The following SYT2 variants were observed in gnomAD, a reference collection of about 807,000 sequenced individuals.
SYT2 encodes the protein synaptotagmin-2.
In SYT2, 15 loss-of-function variants were observed where a neutral mutation model predicts 39.9. The observed-to-expected ratio is 0.38, with a 90% CI of 0.25 to 0.58. SYT2 has a LOEUF of 0.58. SYT2 is among the 20% of genes least tolerant of loss of function. The probability of loss-of-function intolerance (pLI) is 0.70; values close to 1 mark genes in which losing one functional copy is unlikely to be tolerated. For missense variants in SYT2, 389 were observed against 530.3 expected (o/e 0.73, Z 2.62); for synonymous variants, 181 against 204.5 (o/e 0.89, Z 0.98).
At chr1:202,664,715 A>G (rs1403347107) in intron 1 of SYT2, among the ~76,000 whole-genome samples, 1 of 152,228 alleles carries the variant, frequency 6.6e-6, no homozygotes, top group Admixed American at 6.5e-5. Context: ...GCTGAAGTGC[A>G]ATGGCGCGAT....
chr1:202,676,807 C>T (rs1259939830), intron 1 of SYT2, among the ~76,000 whole-genome samples: 1 of 152,196 alleles, frequency 6.6e-6, no homozygotes, highest in Non-Finnish European at 1.5e-5. Flanking sequence ...CTATAAAATA[C>T]TGTTTATGTA....
intron 1 of SYT2, among the ~76,000 whole-genome samples, chr1:202,685,517 G>A (rs1653639820): frequency 6.6e-6 from 1 of 152,104 alleles, no homozygotes; most frequent in Non-Finnish European, 1.5e-5. Context: ...TCTTGTCAGT[G>A]GACACACTGG....
At chr1:202,691,377 GT>G (rs1199744830) in intron 1 of SYT2, among the ~76,000 whole-genome samples, 2 of 152,100 alleles carry the variant, frequency 1.3e-5, no homozygotes, top group Non-Finnish European at 2.9e-5. Context: ...GCCAGGCACG[GT>G]AGCTCACACC....
intron 1 of SYT2, among the ~76,000 whole-genome samples, chr1:202,670,445 G>A (rs1349284170): frequency 6.6e-6 from 1 of 152,146 alleles, no homozygotes; most frequent in Admixed American, 6.5e-5. Context: ...CCAAGGAGCT[G>A]AAGAGCCACA....
chr1:202,640,766 GAGAGAGAGAGAGAGAGAGAGAGAGAGAC>G (rs1691887941), intron 1 of SYT2, among the ~76,000 whole-genome samples: 1 of 142,988 alleles, frequency 7.0e-6, no homozygotes, highest in African/African-American at 2.9e-5. Flanking sequence ...GAGAGAGAGA[GAGAGAGAGAGAGAGAGAGAGAGAGAGAC>G]AGACAGACAG....
At chr1:202,692,990 A>AT (rs1407065533) in intron 1 of SYT2, among the ~76,000 whole-genome samples, 1 of 152,236 alleles carries the variant, frequency 6.6e-6, no homozygotes, top group Non-Finnish European at 1.5e-5. Flanking sequence ...TCAGCTTAAA[A>AT]TTTTTTAAAA....
chr1:202,688,372 C>T (rs1048203413), intron 1 of SYT2, among the ~76,000 whole-genome samples: 2 of 152,226 alleles, frequency 1.3e-5, no homozygotes, highest in African/African-American at 4.8e-5. Flanking sequence ...GTCCTGCCCC[C>T]GTGGGCGGCA....
At chr1:202,703,628 G>T (rs1055694941) in intron 1 of SYT2, among the ~76,000 whole-genome samples, 3 of 152,144 alleles carry the variant, frequency 2.0e-5, no homozygotes, top group Admixed American at 6.5e-5. Context: ...AGCTAAAGAA[G>T]CAGAAGGTCC....
intron 4 of SYT2, among the ~76,000 whole-genome samples, chr1:202,602,787 G>A (rs1337788229): frequency 6.6e-6 from 1 of 152,170 alleles, no homozygotes; most frequent in East Asian, 1.9e-4. Context: ...GAGGTTAATA[G>A]CATAATCAAC....
At chr1:202,654,843 G>T (rs757723669) in intron 1 of SYT2, among the ~76,000 whole-genome samples, 1 of 152,200 alleles carries the variant, frequency 6.6e-6, no homozygotes, top group South Asian at 2.1e-4. Flanking sequence ...CAGGCAGAAT[G>T]ACCAGCTTCT....
At position 202,600,348 on chromosome 1, in the gene SYT2, T is replaced by C; in HGVS notation, c.919+9A>G. On this transcript the variant is annotated intron_variant, in intron 7 of 8. Coordinates refer to ENST00000367268, the MANE Select transcript of SYT2 (RefSeq NM_177402.5). ...GCCACCCAATGGCAGCCAGAAGCTCTCCACGTACCTGAAAGGCCGCCCACG... is the reference window on the plus strand; with the variant it reads ...GCCACCCAATGGCAGCCAGAAGCTCCCCACGTACCTGAAAGGCCGCCCACG... 6.2e-7 allele frequency: 1 copy of C among 1,612,932 alleles called. No individual in the cohort carries two copies. Among genetic ancestry groups the C allele is most frequent in the Non-Finnish European group, 8.5e-7 (1 of 1,179,006 alleles).
chr1:202,593,182 G>A lies in SYT2; in HGVS notation c.*3575C>T, dbSNP rs979483346. The A allele has an allele frequency of 2.6e-5, 4 of 152,272 alleles. No homozygotes were observed. The highest frequency in any genetic ancestry group is 9.7e-5 in the African/African-American group (4 of 41,444). The allele number at this position is 152,272 out of a possible 1,614,324, so 9.4% of individuals were successfully genotyped here. A position where few individuals can be genotyped will look rare whatever the true frequency, so the allele number is the denominator to read the frequency against. On this transcript the variant is annotated 3_prime_UTR_variant, in exon 9 of 9. Coordinates refer to ENST00000367268, the MANE Select transcript of SYT2 (RefSeq NM_177402.5). ...CTCTTTCTACCTTTGAGTGGGAGGG[G>A]ACACCCTCAGGGACAGTTTTTCTCT...
In SYT2 at chr1:202,601,175, C is replaced by T. The variant is rs542889711; in HGVS notation, c.802-701G>A. On this transcript the variant is annotated intron_variant, in intron 6 of 8. Coordinates refer to ENST00000367268, the MANE Select transcript of SYT2 (RefSeq NM_177402.5). The surrounding 1 kb of genome is among the most constrained non-coding windows in gnomAD (Gnocchi z 4.0). ...CAGGGCTCCTAATTCCTAAGGCCAA[C>T]ACCACACTGCAGAGTCAAAGCTGCT... 7.2e-5 allele frequency among the ~76,000 whole-genome samples: 11 copies of T among 152,292 alleles called. No individual in the cohort carries two copies. The South Asian group carries it at 2.3e-3, about 32-fold the overall frequency.
chr1:202,672,780 A>AG (rs371581540), intron 1 of SYT2, among the ~76,000 whole-genome samples: 2 of 88,842 alleles, frequency 2.3e-5, no homozygotes, highest in African/African-American at 4.4e-5. Flanking sequence ...GGAGGGAGGG[A>AG]GAGAGAGAGA....
intron 1 of SYT2, among the ~76,000 whole-genome samples, chr1:202,626,268 T>G (rs1268483053): frequency 6.6e-6 from 1 of 152,094 alleles, no homozygotes; most frequent in African/African-American, 2.4e-5. Context: ...TGGCATCTCT[T>G]GCCAGACCCT....
At chr1:202,676,187 C>A (rs1322375066) in intron 1 of SYT2, among the ~76,000 whole-genome samples, 2 of 152,186 alleles carry the variant, frequency 1.3e-5, no homozygotes, top group African/African-American at 4.8e-5. Context: ...TCCCTTCCCC[C>A]CACCCAATTC....
intron 2 of SYT2, 61 bp from the exon 3 acceptor site, chr1:202,604,682 T>C: frequency 2.0e-6 from 3 of 1,531,464 alleles, no homozygotes; most frequent in South Asian, 1.2e-5. Flanking sequence ...CCTGACCCCG[T>C]AGCATTGGGA....
chr1:202,601,133 T>C lies in SYT2; in HGVS notation c.802-659A>G, dbSNP rs949920599. On this transcript the variant is annotated intron_variant, in intron 6 of 8. Coordinates refer to ENST00000367268, the MANE Select transcript of SYT2 (RefSeq NM_177402.5). The surrounding 1 kb of genome is among the most constrained non-coding windows in gnomAD (Gnocchi z 4.0). ...AAAGTCACACAACAATTTAGCACTGTAGGCAGGCTGAGGACCCAGGGCTCC... is the reference window on the plus strand; with the variant it reads ...AAAGTCACACAACAATTTAGCACTGCAGGCAGGCTGAGGACCCAGGGCTCC... Among the ~76,000 whole-genome samples, 1 of 152,174 alleles carries C rather than the reference T, an allele frequency of 6.6e-6. No individual in the cohort carries two copies. Among genetic ancestry groups the C allele is most frequent in the African/African-American group, 2.4e-5 (1 of 41,452 alleles).
chr1:202,695,373 C>T (rs995716537), intron 1 of SYT2, among the ~76,000 whole-genome samples: 17 of 152,154 alleles, frequency 1.1e-4, no homozygotes, highest in Non-Finnish European at 7.3e-5. Flanking sequence ...GCAGCCCAAT[C>T]CCACAACTTC....
Sources: allele counts gnomAD v4.1 joint callset (sites outside exome capture counted in the v4.1 genomes callset), GRCh38; gene constraint gnomAD v4.1.1; non-coding constraint Gnocchi (gnomAD v3.1); transcripts MANE v1.5; gene names NCBI Gene and HGNC (gene_info 2026-07-23, HGNC 2026-07-21).